AGMO: variants seen among roughly 807,000 people sequenced by gnomAD.
The protein encoded by AGMO is alkylglycerol monooxygenase, also known as glyceryl-ether monooxygenase.
Under a neutral mutation model 60.2 loss-of-function variants are expected in AGMO, and 75 were observed. The ratio of observed to expected loss-of-function variants is 1.25; its 90% CI spans 1.03 to 1.51. The LOEUF is 1.51. Among genes scored for constraint, AGMO ranks in the 40% most tolerant of loss-of-function variants. The pLI is 0.00. For missense variants in AGMO, 763 were observed against 525.5 expected, an observed-to-expected ratio of 1.45 and a Z score of -4.42; for synonymous variants, 261 against 177.1, an observed-to-expected ratio of 1.47 and a Z score of -3.76.
At chr7:15,431,852 T>C (rs77511985) in intron 3 of AGMO, among the ~76,000 whole-genome samples, 1 of 151,766 alleles carries the variant, frequency 6.6e-6, no homozygotes, top group Non-Finnish European at 1.5e-5. Context: ...TCATACAGAC[T>C]CCAAAGAAGT....
At chr7:15,504,072 A>C (rs1234826443) in intron 3 of AGMO, among the ~76,000 whole-genome samples, 1 of 152,042 alleles carries the variant, frequency 6.6e-6, no homozygotes, top group African/African-American at 2.4e-5. Context: ...GGAGAAACTT[A>C]GTCATCCAAT....
chr7:15,150,525 T>C, the AGMO span, among the ~76,000 whole-genome samples: 6 of 152,244 alleles, frequency 3.9e-5, no homozygotes, highest in African/African-American at 9.6e-5. Context: ...GGATGTTGAA[T>C]TTTATTGAAA....
At chr7:15,391,926 G>A (rs1051582855) in intron 6 of AGMO, among the ~76,000 whole-genome samples, 1 of 152,118 alleles carries the variant, frequency 6.6e-6, no homozygotes, top group Non-Finnish European at 1.5e-5. Context: ...AGAAATATCT[G>A]TCCCAAAATG....
chr7:15,343,192 C>T (rs1366708117), intron 12 of AGMO, among the ~76,000 whole-genome samples: 1 of 152,142 alleles, frequency 6.6e-6, no homozygotes, highest in South Asian at 2.1e-4. Context: ...CCACTCGCCA[C>T]TGTAAAATGA....
the AGMO span, among the ~76,000 whole-genome samples, chr7:15,184,600 A>AG: frequency 8.8e-6 from 1 of 113,932 alleles, no homozygotes; most frequent in African/African-American, 3.6e-5. Flanking sequence ...AAGGAAGGGA[A>AG]GGAAAGAAGG....
intron 12 of AGMO, among the ~76,000 whole-genome samples, chr7:15,319,599 T>C (rs901792378): frequency 2.9e-4 from 44 of 151,600 alleles, no homozygotes; most frequent in African/African-American, 8.9e-4. Context: ...ACAATTCACA[T>C]TGGGGGAAAG....
intron 3 of AGMO, among the ~76,000 whole-genome samples, chr7:15,452,396 C>A (rs968756060): frequency 2.0e-5 from 3 of 151,990 alleles, no homozygotes; most frequent in Admixed American, 1.3e-4. Flanking sequence ...AATAGAAAAA[C>A]ACACAGTCTT....
intron 12 of AGMO, among the ~76,000 whole-genome samples, chr7:15,262,108 A>G (rs898665834): frequency 1.3e-5 from 2 of 152,078 alleles, no homozygotes; most frequent in South Asian, 4.1e-4. Flanking sequence ...CTTTTATTGA[A>G]CATAGTACTG....
chr7:15,354,502 A>G lies in AGMO; in HGVS notation c.1263+11012T>C, dbSNP rs1342207742. 5.0e-3 allele frequency among the ~76,000 whole-genome samples: 105 copies of G among 21,130 alleles called. 10 individuals are homozygous for G. The highest frequency in any genetic ancestry group is 0.019 in the African/African-American group (58 of 3,008). The allele number at this position is 21,130 out of a possible 152,430, so 13.9% of individuals were successfully genotyped here. On this transcript the variant is annotated intron_variant, in intron 12 of 12. Coordinates refer to ENST00000342526, the MANE Select transcript of AGMO (RefSeq NM_001004320.2). The stretch of plus-strand genomic sequence containing the variant: ...CGTGTGTATATACACACGTGTATAT[A>G]TATATATATATATATATATATATAT...
chr7:15,360,515 T>G (rs1280354212), intron 12 of AGMO, among the ~76,000 whole-genome samples: 1 of 151,948 alleles, frequency 6.6e-6, no homozygotes. Flanking sequence ...GTTAAGAAAA[T>G]AATAAGGAAG....
chr7:15,273,524 G>C lies in AGMO; in HGVS notation c.1264-72165C>G, dbSNP rs572723879. 3.0e-3 allele frequency among the ~76,000 whole-genome samples: 459 copies of C among 152,248 alleles called. 2 individuals are homozygous for C. Among genetic ancestry groups the C allele is most frequent in the African/African-American group, 0.01 (432 of 41,564 alleles). On this transcript the variant is annotated intron_variant, in intron 12 of 12. Transcript: ENST00000342526. The stretch of plus-strand genomic sequence containing the variant: ...GTACCATGCTGTTTTGGTTACTGTA[G>C]CCTTGTAGTATAGTTTGAAGTCAGG...
At chr7:15,165,276 G>T in the AGMO span, among the ~76,000 whole-genome samples, 1 of 152,000 alleles carries the variant, frequency 6.6e-6, no homozygotes, top group East Asian at 1.9e-4. Context: ...TTCCTATTGG[G>T]TACAGTGTTC....
intron 12 of AGMO, among the ~76,000 whole-genome samples, chr7:15,258,857 A>G (rs776953000): frequency 6.6e-6 from 1 of 152,176 alleles, no homozygotes; most frequent in African/African-American, 2.4e-5. Context: ...CAGGAAGCCT[A>G]TTCCTTAGGG....
chr7:15,403,428 C>A (rs1002924976), intron 5 of AGMO, among the ~76,000 whole-genome samples: 8 of 151,860 alleles, frequency 5.3e-5, no homozygotes, highest in African/African-American at 7.2e-5. Flanking sequence ...GCAGTAAGAT[C>A]TTTCAAGACG....
At chr7:15,549,468 G>A (rs1160330602) in intron 2 of AGMO, among the ~76,000 whole-genome samples, 1 of 151,970 alleles carries the variant, frequency 6.6e-6, no homozygotes, top group Non-Finnish European at 1.5e-5. Context: ...AAGGATGGAG[G>A]AAGACCTACC....
At chr7:15,262,263 G>A (rs554241934) in intron 12 of AGMO, among the ~76,000 whole-genome samples, 56 of 152,032 alleles carry the variant, frequency 3.7e-4, no homozygotes, top group Middle Eastern at 3.4e-3. Context: ...CCTAGAACTG[G>A]TAACTGAATT....
At chr7:15,173,738 T>G in the AGMO span, among the ~76,000 whole-genome samples, 2 of 151,994 alleles carry the variant, frequency 1.3e-5, no homozygotes, top group East Asian at 3.9e-4. Flanking sequence ...AGTTTACAAA[T>G]TTCCTTATTT....
At chr7:15,258,093 C>G (rs571005245) in intron 12 of AGMO, among the ~76,000 whole-genome samples, 1 of 152,168 alleles carries the variant, frequency 6.6e-6, no homozygotes, top group African/African-American at 2.4e-5. Flanking sequence ...TATAACAACA[C>G]TATCCGTATA....
intron 3 of AGMO, among the ~76,000 whole-genome samples, chr7:15,491,614 TG>T (rs1175890673): frequency 6.6e-6 from 1 of 152,148 alleles, no homozygotes; most frequent in African/African-American, 2.4e-5. Flanking sequence ...ATGGCTAAAA[TG>T]TAACGACACA....
Sources: gnomAD v4.1 joint callset for allele counts (sites outside exome capture counted in the v4.1 genomes callset) on GRCh38, gnomAD v4.1.1 for gene constraint, MANE v1.5 for transcripts, NCBI Gene and HGNC (gene_info 2026-07-23, HGNC 2026-07-21) for gene names.